Variants in RFWD3 observed in about 807,000 individuals in gnomAD.
The protein encoded by RFWD3 is ring finger and WD repeat domain 3.
In RFWD3, 65 loss-of-function variants were observed where a neutral mutation model predicts 87.7. The observed-to-expected ratio is 0.74, with a 90% CI of 0.61 to 0.91. RFWD3 has a LOEUF of 0.91. Ranked by LOEUF, RFWD3 falls within the 40% of genes least tolerant of loss-of-function variation. The pLI, the probability that RFWD3 is intolerant of heterozygous loss-of-function variation, is 0.00. For synonymous variants in RFWD3, 433 were observed against 352.8 expected (o/e 1.23, Z -2.55); for missense variants, 1,078 against 938.5 (o/e 1.15, Z -1.94).
chr16:74,630,732 A>G (rs1959068102), intron 10 of RFWD3, 49 bp downstream of exon 10: 1 of 1,501,678 alleles, frequency 6.7e-7, no homozygotes, highest in Non-Finnish European at 8.9e-7. Context: ...CACAATAATA[A>G]GCCAAGAGAA....
In RFWD3 at chr16:74,652,074, A is replaced by T. The variant is rs1413946119; in HGVS notation, c.567T>A (p.Pro189=). 8.1e-6 allele frequency: 13 copies of T among 1,614,076 alleles called. No homozygotes were observed. The highest frequency in any genetic ancestry group is 1.1e-5 in the Non-Finnish European group (13 of 1,180,044). ...DAYFQVSRTQ[P]DLPATTYDSE... ...AATCATAAGTGGTAGCTGGCAAGTC[A>T]GGCTGGGTCCTGCTCACCTGAAAGT... The change falls in exon 3 of 13, where the codon CCT becomes CCA. Residue 189 remains proline, a synonymous_variant. Transcript: ENST00000361070.
intron 4 of RFWD3, among the ~76,000 whole-genome samples, chr16:74,647,732 T>C (rs773039703): frequency 2.6e-5 from 4 of 152,108 alleles, no homozygotes; most frequent in Non-Finnish European, 2.9e-5. Flanking sequence ...GCTGGGATTA[T>C]ATGCGCCTGC....
intron 6 of RFWD3, chr16:74,643,892 T>TG (rs1959886349): frequency 5.5e-6 from 1 of 180,732 alleles, no homozygotes; most frequent in South Asian, 1.2e-4. Flanking sequence ...TTAGCCAGGA[T>TG]GGTCTTGATC....
intron 9 of RFWD3, among the ~76,000 whole-genome samples, chr16:74,632,162 G>A (rs934189620): frequency 2.6e-5 from 4 of 151,616 alleles, no homozygotes; most frequent in African/African-American, 7.3e-5. Flanking sequence ...AGGCCGAGGC[G>A]GGCGGATCAT....
chr16:74,666,819 C>CCCGCCGAAGACTCGGTCGTTACCT lies in RFWD3; in HGVS notation c.-37_-36insAGGTAACGACCGAGTCTTCGGCGG, dbSNP rs1961969143. The CCCGCCGAAGACTCGGTCGTTACCT allele has an allele frequency of 2.8e-5, 1 of 35,436 alleles. No homozygotes were observed. The allele number at this position is 35,436 out of a possible 1,614,324, so 2.2% of individuals were successfully genotyped here. On this transcript the variant is annotated 5_prime_UTR_variant, in exon 1 of 13. Coordinates refer to ENST00000361070, the MANE Select transcript of RFWD3 (RefSeq NM_018124.4). ...AGCAGGCCGCGGCCGGGCTCGCGAG[C>CCCGCCGAAGACTCGGTCGTTACCT]CCGCCGAAGACTCGGTAGTTACCTC...
intron 6 of RFWD3, among the ~76,000 whole-genome samples, chr16:74,642,590 T>G (rs1959756357): frequency 6.6e-6 from 1 of 152,114 alleles, no homozygotes; most frequent in Non-Finnish European, 1.5e-5. Flanking sequence ...AGCCACAACC[T>G]CCTGGGCTCA....
intron 8 of RFWD3, 30 bp from the exon 9 acceptor site, chr16:74,632,703 T>C: frequency 6.2e-7 from 1 of 1,609,612 alleles, no homozygotes; most frequent in South Asian, 1.1e-5. Flanking sequence ...ATGAAATAGA[T>C]CACTGAAAGT....
intron 3 of RFWD3, among the ~76,000 whole-genome samples, chr16:74,650,195 T>A (rs756119781): frequency 6.6e-6 from 1 of 152,208 alleles, no homozygotes; most frequent in East Asian, 1.9e-4. Flanking sequence ...AATTTCCATA[T>A]ATATTTAGGT....
intron 9 of RFWD3, among the ~76,000 whole-genome samples, chr16:74,631,889 GGATTACAGGCGT>G (rs1404617568): frequency 6.6e-6 from 1 of 152,064 alleles, no homozygotes; most frequent in East Asian, 1.9e-4. Flanking sequence ...CAAAGCGCTA[GGATTACAGGCGT>G]GAGCCACCAC....
intron 8 of RFWD3, 161 bp from the exon 9 acceptor site, chr16:74,632,834 T>G: frequency 1.6e-6 from 1 of 634,490 alleles, no homozygotes; most frequent in South Asian, 2.0e-5. Flanking sequence ...TTTATTCATT[T>G]ATTTTTGAGA....
chr16:74,633,688 G>A (rs1191487401), intron 8 of RFWD3, among the ~76,000 whole-genome samples: 1 of 151,872 alleles, frequency 6.6e-6, no homozygotes, highest in Non-Finnish European at 1.5e-5. Flanking sequence ...GGTAGCTCGC[G>A]CCTGTAATCC....
At chr16:74,627,916 T>G (rs1331621319) in intron 11 of RFWD3, among the ~76,000 whole-genome samples, 1 of 152,164 alleles carries the variant, frequency 6.6e-6, no homozygotes, top group Non-Finnish European at 1.5e-5. Context: ...ACCAGGAATT[T>G]AGATTCATGC....
rs117068980 is a variant in RFWD3, at chr16:74,658,863, G to A, written c.518+2069C>T. On this transcript the variant is annotated intron_variant, in intron 2 of 12. Coordinates refer to ENST00000361070, the MANE Select transcript of RFWD3 (RefSeq NM_018124.4). ...GCTCACTGCAAGCTCCGCCTCCTAG[G>A]TTCAAGGAATTCTCATGCCTTAACC... Among the ~76,000 whole-genome samples the A allele has an allele frequency of 6.7e-3, 1,010 of 151,742 alleles. 8 individuals carry two copies. The highest frequency in any genetic ancestry group is 0.028 in the South Asian group (135 of 4,808).
At chr16:74,632,299 G>C (rs578244755) in intron 9 of RFWD3, among the ~76,000 whole-genome samples, 131 of 152,196 alleles carry the variant, frequency 8.6e-4, no homozygotes, top group African/African-American at 3.0e-3. Context: ...GGCTGAGGCA[G>C]GAGAATGGCC....
chr16:74,623,579 C>A lies in RFWD3; in HGVS notation c.*349G>T. ...ATATTCCCCAGAAAATGCTTGATGC[C>A]CACTCACATCCTAGATGATGAGAGG... is the stretch of plus-strand genomic sequence containing the variant. On this transcript the variant is annotated 3_prime_UTR_variant, in exon 13 of 13. Transcript: ENST00000361070. 5.3e-6 allele frequency: 1 copy of A among 187,790 alleles called. No homozygotes were observed. The highest frequency in any genetic ancestry group is 1.1e-5 in the Non-Finnish European group (1 of 91,600). The allele number at this position is 187,790 out of a possible 1,614,324, so 11.6% of individuals were successfully genotyped here.
chr16:74,644,830 AAT>A lies in RFWD3; in HGVS notation c.793-97_793-96del, dbSNP rs1411954134. The A allele has an allele frequency of 5.2e-6, 6 of 1,148,100 alleles. No individual in the cohort carries two copies. In the South Asian group the frequency reaches 6.1e-5, roughly 12 times the overall value. The allele number at this position is 1,148,100 out of a possible 1,614,324, so 71.1% of individuals were successfully genotyped here. On this transcript the variant is annotated intron_variant, in intron 4 of 12. Transcript: ENST00000361070. ...AAGAAATTAACAGAAGTGCAAAAAA[AAT>A]GATACAATCAAAAGGGCTACAGAAC...
At position 74,628,396 on chromosome 16, in the gene RFWD3, C is replaced by T. The variant is rs1041884921; in HGVS notation, c.1969+56G>A. ...AAGGGTAGGATCAAACCCTCCTTCC[C>T]TTTTCTCTACCACTGTGCTCCCAAA... On this transcript the variant is annotated intron_variant, in intron 11 of 12. Coordinates refer to ENST00000361070, the MANE Select transcript of RFWD3 (RefSeq NM_018124.4). The T allele has an allele frequency of 1.8e-5, 28 of 1,551,948 alleles. No individual in the cohort carries two copies. In the African/African-American group the frequency reaches 3.4e-4, roughly 19 times the overall value.
intron 2 of RFWD3, 89 bp from the exon 3 acceptor site, chr16:74,652,211 T>G: frequency 1.6e-6 from 2 of 1,213,984 alleles, no homozygotes; most frequent in South Asian, 1.4e-5. Flanking sequence ...ATCCTATCAC[T>G]TCAACCCATC....
chr16:74,632,064 T>C (rs1049560663), intron 9 of RFWD3, among the ~76,000 whole-genome samples: 1 of 152,120 alleles, frequency 6.6e-6, no homozygotes, highest in African/African-American at 2.4e-5. Flanking sequence ...TTTAAATGGA[T>C]CTCAGAAGAC....
Sources: allele counts gnomAD v4.1 joint callset (sites outside exome capture counted in the v4.1 genomes callset), GRCh38; gene constraint gnomAD v4.1.1; transcripts MANE v1.5; gene names NCBI Gene and HGNC (gene_info 2026-07-23, HGNC 2026-07-21).